Variants in SLC30A7 observed in about 807,000 individuals in gnomAD.
The protein encoded by SLC30A7 is solute carrier family 30 member 7.
In SLC30A7, 35 loss-of-function variants were observed where a neutral mutation model predicts 46.0. The ratio of observed to expected loss-of-function variants is 0.76; its 90% confidence interval spans 0.58 to 1.01. The LOEUF is 1.01. SLC30A7 is among the 50% of genes least tolerant of loss of function. The probability of loss-of-function intolerance (pLI) is 0.00; values close to 1 mark genes in which losing one functional copy is unlikely to be tolerated. For synonymous variants in SLC30A7, 147 were observed against 157.8 expected (o/e 0.93, Z 0.51); for missense variants, 464 against 451.1 (o/e 1.03, Z -0.26).
At chr1:100,915,239 TTCTTTC>T (rs1209958772) in intron 6 of SLC30A7, among the ~76,000 whole-genome samples, 3 of 141,828 alleles carry the variant, frequency 2.1e-5, no homozygotes, top group Non-Finnish European at 4.7e-5. Context: ...CTTTCTTTCT[TTCTTTC>T]TTTCTTTCTT....
the SLC30A7 span, among the ~76,000 whole-genome samples, chr1:100,991,154 A>G: frequency 6.6e-6 from 1 of 152,354 alleles, no homozygotes; most frequent in South Asian, 2.1e-4. Flanking sequence ...AATGAGAGCT[A>G]AGATAGTAGA....
intron 8 of SLC30A7, among the ~76,000 whole-genome samples, chr1:100,958,181 TTTC>T (rs1199268188): frequency 6.6e-6 from 1 of 152,090 alleles, no homozygotes; most frequent in Non-Finnish European, 1.5e-5. Context: ...TTGTTGTTGT[TTTC>T]TTTTTTTTTT....
chr1:100,907,810 T>G (rs1378100647), intron 3 of SLC30A7, among the ~76,000 whole-genome samples: 2 of 152,012 alleles, frequency 1.3e-5, no homozygotes, highest in Non-Finnish European at 2.9e-5. Context: ...TTCCTCAGCC[T>G]CTTACTCTCT....
chr1:100,956,384 T>C (rs1464044707), intron 8 of SLC30A7, among the ~76,000 whole-genome samples: 1 of 152,146 alleles, frequency 6.6e-6, no homozygotes, highest in Non-Finnish European at 1.5e-5. Flanking sequence ...TAGGTTATTT[T>C]TTAAAAAGGT....
intron 10 of SLC30A7, among the ~76,000 whole-genome samples, chr1:100,967,006 G>A (rs947719711): frequency 6.6e-6 from 1 of 152,188 alleles, no homozygotes; most frequent in Non-Finnish European, 1.5e-5. Flanking sequence ...ATGCCATCAT[G>A]AGTTAACATA....
intron 9 of SLC30A7, among the ~76,000 whole-genome samples, chr1:100,964,264 A>G (rs188812452): frequency 3.8e-4 from 56 of 148,554 alleles, no homozygotes; most frequent in Middle Eastern, 3.6e-3. Flanking sequence ...TACACAATAT[A>G]TGTTATATAA....
intron 8 of SLC30A7, among the ~76,000 whole-genome samples, chr1:100,939,257 G>C (rs1164945389): frequency 1.3e-5 from 2 of 152,044 alleles, no homozygotes; most frequent in Non-Finnish European, 2.9e-5. Context: ...TTAATGCCAA[G>C]TGTATAATTA....
the SLC30A7 span, among the ~76,000 whole-genome samples, chr1:100,987,857 A>C: frequency 1.7e-4 from 26 of 152,108 alleles, no homozygotes; most frequent in Non-Finnish European, 3.2e-4. Flanking sequence ...TATTATGTTA[A>C]AGGTTTCATC....
At chr1:100,973,776 T>C (rs139422321) in intron 10 of SLC30A7, among the ~76,000 whole-genome samples, 17 of 152,202 alleles carry the variant, frequency 1.1e-4, no homozygotes, top group African/African-American at 3.9e-4. Context: ...AGCCAGTGAA[T>C]ATTCTCTGGA....
At chr1:100,962,840 G>T (rs1655626286) in intron 9 of SLC30A7, among the ~76,000 whole-genome samples, 1 of 152,174 alleles carries the variant, frequency 6.6e-6, no homozygotes, top group Admixed American at 6.5e-5. Context: ...AACAATGGTG[G>T]TTTAGATTAC....
chr1:100,926,873 G>C (rs1384079311), intron 8 of SLC30A7, among the ~76,000 whole-genome samples: 2 of 152,330 alleles, frequency 1.3e-5, no homozygotes, highest in African/African-American at 4.8e-5. Flanking sequence ...ATGCCATAGA[G>C]TAGGCTAAGA....
chr1:100,954,707 G>C (rs1655134831), intron 8 of SLC30A7, among the ~76,000 whole-genome samples: 1 of 152,004 alleles, frequency 6.6e-6, no homozygotes, highest in Non-Finnish European at 1.5e-5. Context: ...ATAAAGTAAA[G>C]CACAATCCCA....
chr1:100,940,246 A>G (rs764443214), intron 8 of SLC30A7, among the ~76,000 whole-genome samples: 42 of 152,320 alleles, frequency 2.8e-4, no homozygotes, highest in Non-Finnish European at 5.7e-4. Flanking sequence ...ATGTTATACT[A>G]TATACCCGGA....
At chr1:100,904,581 A>G (rs571871253) in intron 2 of SLC30A7, among the ~76,000 whole-genome samples, 1 of 151,596 alleles carries the variant, frequency 6.6e-6, no homozygotes, top group Admixed American at 6.6e-5. Flanking sequence ...TTTATCAAAT[A>G]TTGGACATTA....
intron 8 of SLC30A7, among the ~76,000 whole-genome samples, chr1:100,949,403 C>T (rs1032691941): frequency 5.9e-5 from 9 of 152,128 alleles, no homozygotes; most frequent in African/African-American, 1.9e-4. Context: ...GAGGGGCACC[C>T]GCCTGTGTGA....
the SLC30A7 span, chr1:100,990,737 T>C: frequency 9.5e-7 from 1 of 1,049,738 alleles, no homozygotes. Context: ...GCCCCAAATA[T>C]CTTAAATCTC....
In SLC30A7 at chr1:100,975,817, C is replaced by T. The variant is rs539244424; in HGVS notation, c.*960C>T. On this transcript the variant is annotated 3_prime_UTR_variant, in exon 11 of 11. Coordinates refer to ENST00000357650, the MANE Select transcript of SLC30A7 (RefSeq NM_133496.5). ...CTGGGATTACAGGTGTGAGCCACCACGCCCGGCTATGTTTTTTTTTTTTTT... is the reference window on the plus strand; with the variant it reads ...CTGGGATTACAGGTGTGAGCCACCATGCCCGGCTATGTTTTTTTTTTTTTT... 4 of 143,732 alleles carry T rather than the reference C, an allele frequency of 2.8e-5. No homozygotes were observed. Among genetic ancestry groups the T allele is most frequent in the East Asian group, 2.1e-4 (1 of 4,814 alleles). The allele number at this position is 143,732 out of a possible 1,614,324, so 8.9% of individuals were successfully genotyped here. A position where few individuals can be genotyped will look rare whatever the true frequency, so the allele number is the denominator to read the frequency against.
chr1:100,989,216 A>G, the SLC30A7 span, among the ~76,000 whole-genome samples: 1 of 152,248 alleles, frequency 6.6e-6, no homozygotes, highest in African/African-American at 2.4e-5. Flanking sequence ...ATTAAGTTAT[A>G]TGGCATATCT....
At chr1:100,961,585 A>G (rs1570586597) in intron 8 of SLC30A7, among the ~76,000 whole-genome samples, 1 of 152,270 alleles carries the variant, frequency 6.6e-6, no homozygotes, top group African/African-American at 2.4e-5. Flanking sequence ...ATATGATATT[A>G]TTTCAGTTTT....
Sources: gnomAD v4.1 joint callset for allele counts (sites outside exome capture counted in the v4.1 genomes callset) on GRCh38, gnomAD v4.1.1 for gene constraint, MANE v1.5 for transcripts, NCBI Gene and HGNC (gene_info 2026-07-23, HGNC 2026-07-21) for gene names.